The following GAS2 variants were observed in gnomAD, a reference collection of about 807,000 sequenced individuals.
GAS2 encodes the protein growth arrest-specific protein 2.
A neutral mutation model predicts 37.5 loss-of-function variants in GAS2; 20 were observed. The ratio of observed to expected loss-of-function variants is 0.53; its 90% CI spans 0.37 to 0.77. GAS2 has a LOEUF of 0.77. Ranked by LOEUF, GAS2 falls within the 30% of genes least tolerant of loss-of-function variation. The probability of loss-of-function intolerance (pLI) is 0.00; values close to 1 mark genes in which losing one functional copy is unlikely to be tolerated. For synonymous variants in GAS2, 144 were observed against 132.2 expected (o/e 1.09, Z -0.61); for missense variants, 336 against 373.4 (o/e 0.90, Z 0.82).
At chr11:22,626,884 T>G (rs1362911389) in intron 1 of GAS2, 2 of 152,258 alleles carry the variant, frequency 1.3e-5, no homozygotes, top group Admixed American at 1.3e-4. Context: ...GTGATGTGCA[T>G]GCTGTTAATT....
At chr11:22,674,244 T>G (rs1162117205) in intron 1 of GAS2, among the ~76,000 whole-genome samples, 1 of 152,080 alleles carries the variant, frequency 6.6e-6, no homozygotes, top group Non-Finnish European at 1.5e-5. Context: ...CTTTTTTTGG[T>G]TTCTTTGACT....
At chr11:22,637,233 A>C (rs1197016763) in intron 1 of GAS2, among the ~76,000 whole-genome samples, 4 of 67,860 alleles carry the variant, frequency 5.9e-5, no homozygotes, top group Non-Finnish European at 1.1e-4. Context: ...TACTAATATA[A>C]TATTAATTAT....
chr11:22,681,583 T>TAC (rs974660509), intron 2 of GAS2, among the ~76,000 whole-genome samples: 3 of 152,180 alleles, frequency 2.0e-5, no homozygotes, highest in African/African-American at 7.2e-5. Flanking sequence ...TTTCTTTCCC[T>TAC]ACAAACACCA....
rs762701441 is a variant in GAS2, at chr11:22,811,773, C to T, written c.724-25C>T. ...TACTGTAAGAATTCTCGGAATTTAA[C>T]ACTTTTGATATTTTTTCATTTCAGA... On this transcript the variant is annotated intron_variant, in intron 7 of 7. Transcript: ENST00000454584. 16 of 1,603,522 alleles carry T rather than the reference C, an allele frequency of 1.0e-5. No homozygotes were observed. The Middle Eastern group carries it at 6.6e-4, about 67-fold the overall frequency.
intron 1 of GAS2, among the ~76,000 whole-genome samples, chr11:22,649,302 T>G (rs562727775): frequency 1.6e-3 from 247 of 152,280 alleles, no homozygotes; most frequent in Non-Finnish European, 2.9e-3. Flanking sequence ...TTTGATGTGC[T>G]GCTGGATTCG....
chr11:22,686,181 C>T (rs573653354), intron 3 of GAS2, among the ~76,000 whole-genome samples: 1 of 152,014 alleles, frequency 6.6e-6, no homozygotes, highest in African/African-American at 2.4e-5. Flanking sequence ...AATACTAGAA[C>T]AAAATTTCTG....
chr11:22,790,551 G>T (rs1856097226), intron 7 of GAS2, among the ~76,000 whole-genome samples: 1 of 150,764 alleles, frequency 6.6e-6, no homozygotes, highest in Admixed American at 6.6e-5. Context: ...TGCCCTCAAA[G>T]ACTCGGCTGA....
At chr11:22,655,373 C>T (rs1848843095) in intron 1 of GAS2, among the ~76,000 whole-genome samples, 1 of 151,966 alleles carries the variant, frequency 6.6e-6, no homozygotes. Context: ...AGTATTCTGT[C>T]TAACTCATCT....
chr11:22,670,294 T>C (rs931973559), intron 1 of GAS2, among the ~76,000 whole-genome samples: 1 of 134,904 alleles, frequency 7.4e-6, no homozygotes, highest in African/African-American at 3.1e-5. Flanking sequence ...ATGTTCACAG[T>C]TGAGTCTGTG....
At chr11:22,795,483 A>G (rs1455699991) in intron 7 of GAS2, among the ~76,000 whole-genome samples, 2 of 152,150 alleles carry the variant, frequency 1.3e-5, no homozygotes, top group Non-Finnish European at 2.9e-5. Context: ...AGATATTAGC[A>G]AGGGCATGAA....
At chr11:22,779,312 A>G (rs1170830164) in intron 7 of GAS2, among the ~76,000 whole-genome samples, 1 of 152,146 alleles carries the variant, frequency 6.6e-6, no homozygotes, top group Admixed American at 6.5e-5. Flanking sequence ...CCACCTCCAC[A>G]CCTATGTCTG....
At chr11:22,709,772 C>A (rs904794927) in intron 3 of GAS2, among the ~76,000 whole-genome samples, 1 of 152,088 alleles carries the variant, frequency 6.6e-6, no homozygotes, top group South Asian at 2.1e-4. Flanking sequence ...AAATGTCCAA[C>A]AACGATAGAC....
chr11:22,713,017 A>T (rs1245091726), intron 3 of GAS2, among the ~76,000 whole-genome samples: 1 of 151,262 alleles, frequency 6.6e-6, no homozygotes. Context: ...GACAGAGCCA[A>T]GATTGTGCCA....
intron 3 of GAS2, among the ~76,000 whole-genome samples, chr11:22,694,396 A>C (rs1850396942): frequency 6.6e-6 from 1 of 152,184 alleles, no homozygotes; most frequent in Admixed American, 6.5e-5. Context: ...GAGGAAGCTC[A>C]TTTCAATAAC....
chr11:22,733,944 A>G (rs1012461269), intron 4 of GAS2, among the ~76,000 whole-genome samples: 5 of 151,730 alleles, frequency 3.3e-5, no homozygotes, highest in Non-Finnish European at 5.9e-5. Flanking sequence ...TAATGTTACA[A>G]TGATCAAGTG....
chr11:22,704,488 C>T (rs1399223463), intron 3 of GAS2, among the ~76,000 whole-genome samples: 1 of 148,948 alleles, frequency 6.7e-6, no homozygotes, highest in Non-Finnish European at 1.5e-5. Context: ...GAAATAAAAG[C>T]TTCTACAATT....
chr11:22,770,277 C>A (rs143322207), intron 7 of GAS2, among the ~76,000 whole-genome samples: 28 of 152,242 alleles, frequency 1.8e-4, no homozygotes, highest in African/African-American at 6.7e-4. Context: ...AACAAACCTG[C>A]ACTTTCTGCA....
At chr11:22,767,908 T>A (rs537654134) in intron 7 of GAS2, among the ~76,000 whole-genome samples, 2 of 152,206 alleles carry the variant, frequency 1.3e-5, no homozygotes, top group South Asian at 4.1e-4. Flanking sequence ...AGAGCTTGTC[T>A]TGCATTTCCC....
chr11:22,801,258 C>A (rs975428369), intron 7 of GAS2, among the ~76,000 whole-genome samples: 2 of 151,978 alleles, frequency 1.3e-5, no homozygotes, highest in African/African-American at 4.8e-5. Context: ...GCACTAGACC[C>A]CTTGATACTG....
Sources: allele counts gnomAD v4.1 joint callset (sites outside exome capture counted in the v4.1 genomes callset), GRCh38; gene constraint gnomAD v4.1.1; transcripts MANE v1.5; gene names NCBI Gene and HGNC (gene_info 2026-07-23, HGNC 2026-07-21).